APBA2: variants seen among roughly 807,000 people sequenced by gnomAD.
APBA2 encodes amyloid beta precursor protein binding family A member 2.
A neutral mutation model predicts 75.0 loss-of-function variants in APBA2; 30 were observed. The ratio of observed to expected loss-of-function variants is 0.40; its 90% confidence interval spans 0.30 to 0.54. The LOEUF (loss-of-function observed/expected upper bound fraction) is 0.54. Among genes scored for constraint, APBA2 ranks in the 20% least tolerant of loss-of-function variants. The pLI is 0.49. For missense variants in APBA2, 801 were observed against 1,016.1 expected (o/e 0.79, Z 2.88); for synonymous variants, 444 against 409.6 (o/e 1.08, Z -1.01).
At chr15:28,940,396 C>G (rs4517753) in intron 2 of APBA2, among the ~76,000 whole-genome samples, 16 of 131,640 alleles carry the variant, frequency 1.2e-4, no homozygotes, top group African/African-American at 2.9e-4. Flanking sequence ...AATAGCGGGG[C>G]GTGGTGGCAG....
chr15:28,946,535 C>G (rs1202162440), intron 2 of APBA2, among the ~76,000 whole-genome samples: 1 of 152,180 alleles, frequency 6.6e-6, no homozygotes, highest in Non-Finnish European at 1.5e-5. Context: ...ATGACCTTAG[C>G]CCAAGGAGAC....
chr15:29,037,189 T>G (rs2040794713), intron 3 of APBA2, among the ~76,000 whole-genome samples: 1 of 152,218 alleles, frequency 6.6e-6, no homozygotes, highest in African/African-American at 2.4e-5. Context: ...AGTGATTGAG[T>G]AACCTGTAAT....
chr15:29,044,221 C>G (rs1197484120), intron 3 of APBA2: 2 of 152,074 alleles, frequency 1.3e-5, no homozygotes, highest in African/African-American at 2.4e-5. Context: ...TGCTATTTTC[C>G]CGTGCAAAAG....
At chr15:28,958,984 C>T (rs1207374816) in intron 2 of APBA2, among the ~76,000 whole-genome samples, 2 of 152,074 alleles carry the variant, frequency 1.3e-5, no homozygotes, top group Non-Finnish European at 2.9e-5. Context: ...CTTCTCTTCT[C>T]TTCTGTTCTC....
At chr15:29,063,276 G>T (rs1159492166) in intron 4 of APBA2, among the ~76,000 whole-genome samples, 1 of 138,298 alleles carries the variant, frequency 7.2e-6, no homozygotes, top group Non-Finnish European at 1.6e-5. Flanking sequence ...CTGTATGGGT[G>T]GGGAGGGGAG....
chr15:28,925,363 G>A (rs929032174), intron 2 of APBA2, among the ~76,000 whole-genome samples: 1 of 152,130 alleles, frequency 6.6e-6, no homozygotes, highest in Non-Finnish European at 1.5e-5. Flanking sequence ...TGGTTTTGAT[G>A]TTAGGATAAT....
chr15:28,939,401 G>A (rs1482527953), intron 2 of APBA2, among the ~76,000 whole-genome samples: 1 of 152,140 alleles, frequency 6.6e-6, no homozygotes, highest in Admixed American at 6.5e-5. Context: ...CCATATGGTA[G>A]CTCTTTTTAA....
intron 7 of APBA2, among the ~76,000 whole-genome samples, chr15:29,093,474 A>G (rs2043687719): frequency 6.6e-6 from 1 of 152,248 alleles, no homozygotes; most frequent in Admixed American, 6.5e-5. Flanking sequence ...TTTAAAGATC[A>G]TCGTTCCAAA....
chr15:28,999,000 T>C (rs748234224), intron 3 of APBA2, among the ~76,000 whole-genome samples: 1 of 152,032 alleles, frequency 6.6e-6, no homozygotes, highest in Non-Finnish European at 1.5e-5. Context: ...TATAAAAAAT[T>C]AGCTGGGTGT....
intron 2 of APBA2, among the ~76,000 whole-genome samples, chr15:28,980,484 C>G (rs1321112791): frequency 6.6e-6 from 1 of 152,098 alleles, no homozygotes; most frequent in Non-Finnish European, 1.5e-5. Context: ...CATTTACAAT[C>G]GCCACACACA....
chr15:29,102,096 A>T, intron 10 of APBA2: 1 of 505,966 alleles, frequency 2.0e-6, no homozygotes, highest in Non-Finnish European at 3.6e-6. Context: ...TAATCTTTGC[A>T]TAACTTTTGT....
intron 14 of APBA2, among the ~76,000 whole-genome samples, chr15:29,116,551 C>CT (rs2045164752): frequency 2.6e-5 from 4 of 151,572 alleles, no homozygotes; most frequent in African/African-American, 9.7e-5. Context: ...TGACATGAAC[C>CT]CGGGGGGCAG....
intron 3 of APBA2, among the ~76,000 whole-genome samples, chr15:29,010,928 A>T (rs1359533007): frequency 6.6e-6 from 1 of 152,186 alleles, no homozygotes; most frequent in Non-Finnish European, 1.5e-5. Context: ...TGTTAAGTAA[A>T]TTCATAATGT....
At chr15:29,096,120 G>A (rs999977816) in intron 8 of APBA2, among the ~76,000 whole-genome samples, 1 of 152,228 alleles carries the variant, frequency 6.6e-6, no homozygotes, top group African/African-American at 2.4e-5. Flanking sequence ...GATGCTCAGT[G>A]TCATTGCTGA....
At chr15:29,091,188 C>T (rs991914202) in intron 6 of APBA2, among the ~76,000 whole-genome samples, 5 of 152,160 alleles carry the variant, frequency 3.3e-5, no homozygotes, top group African/African-American at 1.2e-4. Context: ...GAAGGTTTAT[C>T]GGCTCCAGGG....
intron 3 of APBA2, among the ~76,000 whole-genome samples, chr15:29,018,137 T>G (rs1278921294): frequency 6.6e-6 from 1 of 152,080 alleles, no homozygotes; most frequent in African/African-American, 2.4e-5. Flanking sequence ...TGAAGATCTG[T>G]TAGATTGGGG....
At position 29,093,363 on chromosome 15, in the gene APBA2, A is replaced by G. The variant is rs2043681575; in HGVS notation, c.1215+143A>G. The G allele has an allele frequency of 5.4e-6, 7 of 1,304,286 alleles. No homozygotes were observed. In the African/African-American group the frequency reaches 5.9e-5, roughly 11 times the overall value. The allele number at this position is 1,304,286 out of a possible 1,614,324, so 80.8% of individuals were successfully genotyped here. On this transcript the variant is annotated intron_variant, in intron 7 of 14. Coordinates refer to ENST00000683413, the MANE Select transcript of APBA2 (RefSeq NM_001353788.2). ...GGGGGCAGGAGCGGCCCAGGTGCCAACGAGGCTGAGGGAGGCTTGCGCCTT... is the reference window on the plus strand; with the variant it reads ...GGGGGCAGGAGCGGCCCAGGTGCCAGCGAGGCTGAGGGAGGCTTGCGCCTT...
At chr15:28,992,798 A>G (rs2038304578) in intron 2 of APBA2, among the ~76,000 whole-genome samples, 1 of 152,238 alleles carries the variant, frequency 6.6e-6, no homozygotes, top group South Asian at 2.1e-4. Flanking sequence ...AGAATAAACC[A>G]GCTCCCAATC....
intron 8 of APBA2, 27 bp downstream of exon 8, chr15:29,094,340 C>T: frequency 6.2e-7 from 1 of 1,611,938 alleles, no homozygotes; most frequent in Non-Finnish European, 8.5e-7. Context: ...GGCCCTGGGA[C>T]AGTGTTGTTT....
Sources: gnomAD v4.1 joint callset for allele counts (sites outside exome capture counted in the v4.1 genomes callset) on GRCh38, gnomAD v4.1.1 for gene constraint, MANE v1.5 for transcripts, NCBI Gene and HGNC (gene_info 2026-07-23, HGNC 2026-07-21) for gene names.